The following HMCN2 variants were observed in gnomAD, a reference collection of about 807,000 sequenced individuals.
HMCN2 encodes hemicentin 2, also known as hemicentin-2.
HMCN2 carries 325 observed loss-of-function variants against 377.5 expected under a neutral mutation model. That is an observed-to-expected ratio of 0.86 (90% confidence interval 0.79 to 0.94). The LOEUF (loss-of-function observed/expected upper bound fraction) is 0.94. Among genes scored for constraint, HMCN2 ranks in the 40% least tolerant of loss-of-function variants. HMCN2 has a pLI of 0.00. For missense variants in HMCN2, 4,543 were observed against 4,725.3 expected (o/e 0.96, Z 1.13); for synonymous variants, 2,007 against 2,046.8 (o/e 0.98, Z 0.53).
chr9:130,427,709 G>T, intron 92 of HMCN2, 90 bp downstream of exon 92: 1 of 1,436,498 alleles, frequency 7.0e-7, no homozygotes, highest in Admixed American at 2.6e-5. Context: ...GACCCTGGCT[G>T]GGGACACAGA....
In HMCN2 at chr9:130,364,583, A is replaced by G. The variant is rs188614344; in HGVS notation, c.6233-131A>G. On this transcript the variant is annotated intron_variant, in intron 40 of 97. Coordinates refer to ENST00000683500, the MANE Select transcript of HMCN2 (RefSeq NM_001291815.2). ...TTACTCAGACTGGCTCCTCCGAAGCAGGACTGAAGGCAGAGGAAGGGTGGT... is the reference window on the plus strand; with the variant it reads ...TTACTCAGACTGGCTCCTCCGAAGCGGGACTGAAGGCAGAGGAAGGGTGGT... 8.7e-4 allele frequency: 205 copies of G among 234,410 alleles called. 1 individual carries two copies. In the East Asian group the frequency reaches 0.031, roughly 35 times the overall value. 14.5% of individuals were successfully genotyped at this position (234,410 alleles called of 1,614,324 possible).
intron 90 of HMCN2, among the ~76,000 whole-genome samples, chr9:130,426,271 A>C (rs1844360392): frequency 6.6e-6 from 1 of 152,182 alleles, no homozygotes; most frequent in South Asian, 2.1e-4. Flanking sequence ...GGCCACACCC[A>C]AGGAGCCAGG....
At chr9:130,327,713 A>C (rs1838216801) in intron 22 of HMCN2, among the ~76,000 whole-genome samples, 2 of 152,166 alleles carry the variant, frequency 1.3e-5, no homozygotes, top group Non-Finnish European at 2.9e-5. Context: ...TGCACGGGGC[A>C]TTGCCTGCAG....
At position 130,392,792 on chromosome 9, in the gene HMCN2, C is replaced by A. The variant is rs537865908; in HGVS notation, c.10137-420C>A. Among the ~76,000 whole-genome samples, 72 of 152,162 alleles carry A rather than the reference C, an allele frequency of 4.7e-4. 1 individual carries two copies. Among genetic ancestry groups the A allele is most frequent in the African/African-American group, 6.7e-4 (28 of 41,522 alleles). On this transcript the variant is annotated intron_variant, in intron 66 of 97. Transcript: ENST00000683500. ...CGGGCAGATTACAAGGTCAGGAGATCAAGACCATCCTGGCTAACACGGTGA... is the reference window on the plus strand; with the variant it reads ...CGGGCAGATTACAAGGTCAGGAGATAAAGACCATCCTGGCTAACACGGTGA...
At position 130,351,696 on chromosome 9, in the gene HMCN2, T is replaced by G; in HGVS notation, c.4585+119T>G. 1.2e-6 allele frequency: 1 copy of G among 862,696 alleles called. No homozygotes were observed. The highest frequency in any genetic ancestry group is 1.6e-6 in the Non-Finnish European group (1 of 644,054). The allele number at this position is 862,696 out of a possible 1,614,324, so 53.4% of individuals were successfully genotyped here. A position where few individuals can be genotyped will look rare whatever the true frequency, so the allele number is the denominator to read the frequency against. ...AATGGGGGACCTGGTGAGTGATCCC[T>G]GAGTCCAAGAAAGCTGGGGGCTGGG... On this transcript the variant is annotated intron_variant, in intron 30 of 97. Transcript: ENST00000683500. This position sits in a 1 kb window ranked among gnomAD's most constrained non-coding sequence, Gnocchi z 5.4.
intron 25 of HMCN2, among the ~76,000 whole-genome samples, chr9:130,342,940 C>T (rs1006328763): frequency 2.6e-5 from 4 of 152,120 alleles, no homozygotes; most frequent in Admixed American, 6.5e-5. Flanking sequence ...AGCTGCCCAG[C>T]GCCGAACCCT....
chr9:130,320,121 G>T (rs1359240023), intron 16 of HMCN2, among the ~76,000 whole-genome samples: 1 of 152,182 alleles, frequency 6.6e-6, no homozygotes, highest in African/African-American at 2.4e-5. Context: ...ACTACTACAA[G>T]GTACAGGCCA....
chr9:130,411,867 A>T lies in HMCN2; in HGVS notation c.12961+1215A>T, dbSNP rs1413934843. On this transcript the variant is annotated intron_variant, in intron 85 of 97. Transcript: ENST00000683500. ...GAGTTTCAGTTTAGCAAGAGAAAAA[A>T]GTTCTGGAGATTGTACAATGTCAAA... 4.6e-5 allele frequency among the ~76,000 whole-genome samples: 5 copies of T among 109,724 alleles called. No homozygotes were observed. In the East Asian group the frequency reaches 1.7e-3, roughly 36 times the overall value. 72.0% of individuals were successfully genotyped at this position (109,724 alleles called of 152,430 possible).
Position 130,398,702 on chromosome 9 carries a change from C to T in HMCN2, c.11478C>T (p.Ala3826=), listed in dbSNP as rs1842727772. ...QKLDFRLQQG[A]YRLLPSNALL... ...TGGACTTCCGCCTGCAGCAGGGCGC[C>T]TACCGGTAACGAGCTGGACTTTGCG... Residue 3826 remains alanine (A), a synonymous_variant, in exon 75 of 98, where the codon GCC becomes GCT. Transcript: ENST00000683500. 7.8e-7 allele frequency: 1 copy of T among 1,289,346 alleles called. No individual in the cohort carries two copies. 79.9% of individuals were successfully genotyped at this position (1,289,346 alleles called of 1,614,324 possible). A position where few individuals can be genotyped will look rare whatever the true frequency, so the allele number is the denominator to read the frequency against.
intron 23 of HMCN2, among the ~76,000 whole-genome samples, chr9:130,339,284 C>T (rs1838925671): frequency 6.6e-6 from 1 of 152,204 alleles, no homozygotes; most frequent in African/African-American, 2.4e-5. Context: ...GCTGCTTTAC[C>T]CTCTGACGGC....
chr9:130,395,631 C>T (rs1002722978), intron 71 of HMCN2, among the ~76,000 whole-genome samples: 3 of 152,188 alleles, frequency 2.0e-5, no homozygotes, highest in South Asian at 2.1e-4. Context: ...TGGCCTGGAC[C>T]GGTGACCAAG....
chr9:130,388,955 A>C (rs1842158205), intron 62 of HMCN2, among the ~76,000 whole-genome samples: 1 of 151,966 alleles, frequency 6.6e-6, no homozygotes, highest in Non-Finnish European at 1.5e-5. Flanking sequence ...CCCATCCCCC[A>C]TCCAGGCCTC....
At chr9:130,368,738 G>T (rs1272708257) in intron 44 of HMCN2, among the ~76,000 whole-genome samples, 5 of 151,304 alleles carry the variant, frequency 3.3e-5, no homozygotes, top group Admixed American at 1.3e-4. Flanking sequence ...ATGTCGGCAG[G>T]AGAGAGAGAG....
chr9:130,293,001 C>CTAT (rs1564753920), intron 4 of HMCN2, among the ~76,000 whole-genome samples: 32 of 62,954 alleles, frequency 5.1e-4, no homozygotes, highest in East Asian at 3.5e-3. Context: ...TATCTATCTA[C>CTAT]CTACCTACCT....
intron 80 of HMCN2, among the ~76,000 whole-genome samples, chr9:130,404,664 C>T (rs1279498860): frequency 6.6e-6 from 1 of 152,232 alleles, no homozygotes; most frequent in Non-Finnish European, 1.5e-5. Context: ...TGCACAGGTG[C>T]AATGGAATCA....
At chr9:130,405,868 C>G in intron 81 of HMCN2, 87 bp from the exon 82 acceptor site, 1 of 1,009,792 alleles carries the variant, frequency 9.9e-7, no homozygotes, top group Non-Finnish European at 1.3e-6. Flanking sequence ...GGGCTGGATG[C>G]TCCATGAGAA....
intron 1 of HMCN2, among the ~76,000 whole-genome samples, chr9:130,269,763 A>G (rs1834315405): frequency 7.0e-6 from 1 of 143,628 alleles, no homozygotes; most frequent in African/African-American, 2.5e-5. Context: ...TTTAGTTGGA[A>G]TGAGGACCTT....
At position 130,303,300 on chromosome 9, in the gene HMCN2, G is replaced by A. The variant is rs1836624293; in HGVS notation, c.1422-187G>A. Among the ~76,000 whole-genome samples, 4 of 152,232 alleles carry A rather than the reference G, an allele frequency of 2.6e-5. No homozygotes were observed. The highest frequency in any genetic ancestry group is 2.6e-4 in the Admixed American group (4 of 15,290). ...GGAGCCCAGGACTCAGAGAGAGGAA[G>A]GGCCTGACTCCAAGTCACACAGCAT... On this transcript the variant is annotated intron_variant, in intron 9 of 97. Coordinates refer to ENST00000683500, the MANE Select transcript of HMCN2 (RefSeq NM_001291815.2). This position sits in a 1 kb window ranked among gnomAD's most constrained non-coding sequence, Gnocchi z 5.2.
chr9:130,376,488 C>A (rs1178446716), intron 51 of HMCN2, 28 bp from the exon 52 acceptor site: 1 of 983,654 alleles, frequency 1.0e-6, no homozygotes, highest in Non-Finnish European at 1.2e-6. Context: ...TCCCCCAGCT[C>A]TGCTCTCAGA....
Sources: allele counts gnomAD v4.1 joint callset (sites outside exome capture counted in the v4.1 genomes callset), GRCh38; gene constraint gnomAD v4.1.1; non-coding constraint Gnocchi (gnomAD v3.1); transcripts MANE v1.5; gene names NCBI Gene and HGNC (gene_info 2026-07-23, HGNC 2026-07-21).